The following NEGR1 variants were observed in gnomAD, a reference collection of about 807,000 sequenced individuals.
NEGR1 encodes the protein IgLON family member 4.
A neutral mutation model predicts 40.9 loss-of-function variants in NEGR1; 10 were observed. The observed-to-expected ratio is 0.24, with a 90% CI of 0.15 to 0.42. The LOEUF is 0.42. Among genes scored for constraint, NEGR1 ranks in the 10% least tolerant of loss-of-function variants. The probability of loss-of-function intolerance (pLI) is 1.00; values close to 1 mark genes in which losing one functional copy is unlikely to be tolerated. For missense variants in NEGR1, 352 were observed against 438.9 expected, an observed-to-expected ratio of 0.80 and a Z score of 1.77; for synonymous variants, 185 against 166.8, an observed-to-expected ratio of 1.11 and a Z score of -0.84.
At chr1:71,608,631 CT>C (rs1650145647) in intron 5 of NEGR1, among the ~76,000 whole-genome samples, 2 of 151,334 alleles carry the variant, frequency 1.3e-5, no homozygotes, top group Admixed American at 6.6e-5. Context: ...TGATTGTTAG[CT>C]TTTAAGAAAT....
chr1:71,606,351 A>G (rs1021358861), intron 5 of NEGR1, among the ~76,000 whole-genome samples: 4 of 152,176 alleles, frequency 2.6e-5, no homozygotes, highest in Non-Finnish European at 5.9e-5. Flanking sequence ...CTCCAGCCCC[A>G]GTCAAGCCTT....
intron 5 of NEGR1, among the ~76,000 whole-genome samples, chr1:71,602,571 C>A (rs1413491972): frequency 6.6e-6 from 1 of 152,114 alleles, no homozygotes; most frequent in Non-Finnish European, 1.5e-5. Context: ...ATTCTTAACC[C>A]CGTGGAATGT....
intron 4 of NEGR1, among the ~76,000 whole-genome samples, chr1:71,623,364 C>A (rs1650668909): frequency 6.6e-6 from 1 of 151,810 alleles, no homozygotes; most frequent in Non-Finnish European, 1.5e-5. Flanking sequence ...TTTGACATGG[C>A]AATTGCCTAC....
chr1:71,745,689 C>G (rs1333707737), intron 3 of NEGR1, among the ~76,000 whole-genome samples: 1 of 152,126 alleles, frequency 6.6e-6, no homozygotes, highest in Non-Finnish European at 1.5e-5. Flanking sequence ...GCTTAAAAAG[C>G]AGCCCCTCAG....
At chr1:71,467,510 A>G (rs942394340) in intron 6 of NEGR1, among the ~76,000 whole-genome samples, 34 of 152,100 alleles carry the variant, frequency 2.2e-4, no homozygotes, top group African/African-American at 7.9e-4. Context: ...TATGAGAGGA[A>G]ATTTTAACTA....
At position 71,654,085 on chromosome 1, in the gene NEGR1, C is replaced by T. The variant is rs185461003; in HGVS notation, c.668-42939G>A. 7.9e-4 allele frequency among the ~76,000 whole-genome samples: 120 copies of T among 152,094 alleles called. 1 individual carries two copies. The highest frequency in any genetic ancestry group is 7.9e-4 in the Non-Finnish European group (54 of 67,998). On this transcript the variant is annotated intron_variant, in intron 4 of 6. Transcript: ENST00000357731. The stretch of plus-strand genomic sequence containing the variant: ...AGTCATATTGATAAGCGAAAGAAGC[C>T]AGTCTGTAAAGGCTACATACTGTTA...
chr1:71,685,157 C>T (rs1423650419), intron 4 of NEGR1, among the ~76,000 whole-genome samples: 4 of 151,910 alleles, frequency 2.6e-5, no homozygotes, highest in Non-Finnish European at 5.9e-5. Flanking sequence ...GCTTTTTGTG[C>T]GTGTTTCAAT....
chr1:71,781,665 C>A (rs1222560858), intron 2 of NEGR1, among the ~76,000 whole-genome samples: 4 of 152,164 alleles, frequency 2.6e-5, no homozygotes, highest in Non-Finnish European at 5.9e-5. Context: ...GGCACAAAAA[C>A]CACCTGTTTC....
intron 4 of NEGR1, among the ~76,000 whole-genome samples, chr1:71,677,397 T>G (rs935858685): frequency 6.6e-6 from 1 of 152,222 alleles, no homozygotes; most frequent in Non-Finnish European, 1.5e-5. Flanking sequence ...CAAATGATTA[T>G]GTACTATAAT....
At chr1:72,125,815 T>G (rs1296730186) in intron 1 of NEGR1, among the ~76,000 whole-genome samples, 3 of 152,170 alleles carry the variant, frequency 2.0e-5, no homozygotes, top group African/African-American at 4.8e-5. Flanking sequence ...TTAATATTCT[T>G]TTTCCCACCA....
At chr1:71,984,706 T>G (rs930729995) in intron 1 of NEGR1, among the ~76,000 whole-genome samples, 2 of 152,060 alleles carry the variant, frequency 1.3e-5, no homozygotes, top group Non-Finnish European at 2.9e-5. Flanking sequence ...TAAGAATACT[T>G]GGCATAAAGT....
intron 4 of NEGR1, among the ~76,000 whole-genome samples, chr1:71,652,226 T>C (rs942024344): frequency 2.0e-5 from 3 of 152,226 alleles, no homozygotes; most frequent in African/African-American, 7.2e-5. Context: ...AAAGCTGCAT[T>C]ACTTCTCACA....
chr1:71,957,482 C>A (rs913258556), intron 1 of NEGR1, among the ~76,000 whole-genome samples: 2 of 151,910 alleles, frequency 1.3e-5, no homozygotes, highest in Admixed American at 6.6e-5. Context: ...AAATAAAAAC[C>A]AATATTAGTG....
At chr1:72,091,412 C>T (rs1226270192) in intron 1 of NEGR1, among the ~76,000 whole-genome samples, 2 of 134,906 alleles carry the variant, frequency 1.5e-5, no homozygotes, top group Admixed American at 7.4e-5. Context: ...TCCTCCCTTC[C>T]TTCTCTCCTT....
In NEGR1 at chr1:71,511,307, TA is replaced by T. The variant is rs1241017182; in HGVS notation, c.940+81509del. ...TAATTGCAGAAGTTCTCAGTATCTC[TA>T]ATATTAGTTTCTCATGTATAAATTG... On this transcript the variant is annotated intron_variant, in intron 6 of 6. Coordinates refer to ENST00000357731, the MANE Select transcript of NEGR1 (RefSeq NM_173808.3). 2.0e-5 allele frequency among the ~76,000 whole-genome samples: 3 copies of T among 152,374 alleles called. No homozygotes were observed. In the East Asian group the frequency reaches 5.8e-4, roughly 29 times the overall value.
chr1:71,979,378 TAAG>T (rs1012698191), intron 1 of NEGR1, among the ~76,000 whole-genome samples: 6 of 151,826 alleles, frequency 4.0e-5, no homozygotes, highest in African/African-American at 1.5e-4. Context: ...GAAATAAAAA[TAAG>T]AAGAAAAAGT....
chr1:72,047,757 A>G (rs1647015704), intron 1 of NEGR1, among the ~76,000 whole-genome samples: 1 of 151,568 alleles, frequency 6.6e-6, no homozygotes. Context: ...AATTATAGTT[A>G]TTAACAAAGA....
At chr1:71,560,107 ATG>A (rs1452552465) in intron 6 of NEGR1, among the ~76,000 whole-genome samples, 122 of 150,962 alleles carry the variant, frequency 8.1e-4, no homozygotes, top group African/African-American at 1.4e-3. Flanking sequence ...GATGATGATG[ATG>A]ATAACTATAT....
intron 6 of NEGR1, among the ~76,000 whole-genome samples, chr1:71,430,234 C>T (rs1044324027): frequency 2.0e-5 from 3 of 152,106 alleles, no homozygotes; most frequent in Non-Finnish European, 2.9e-5. Flanking sequence ...CTCAAAGACA[C>T]GTTTCCTTTC....
Sources: allele counts gnomAD v4.1 joint callset (sites outside exome capture counted in the v4.1 genomes callset), GRCh38; gene constraint gnomAD v4.1.1; transcripts MANE v1.5; gene names NCBI Gene and HGNC (gene_info 2026-07-23, HGNC 2026-07-21).